NMNAT2: variants seen among roughly 807,000 people sequenced by gnomAD.
The protein encoded by NMNAT2 is nicotinamide/nicotinic acid mononucleotide adenylyltransferase 2.
Under a neutral mutation model 41.6 loss-of-function variants are expected in NMNAT2, and 11 were observed. The ratio of observed to expected loss-of-function variants is 0.26; its 90% CI spans 0.17 to 0.44. The LOEUF (loss-of-function observed/expected upper bound fraction) is 0.44, where lower values mean the gene tolerates loss of function less well. NMNAT2 is among the 20% of genes least tolerant of loss of function. The pLI, the probability that NMNAT2 is intolerant of heterozygous loss-of-function variation, is 1.00. For synonymous variants in NMNAT2, 148 were observed against 151.2 expected (o/e 0.98, Z 0.16); for missense variants, 288 against 407.7 (o/e 0.71, Z 2.53).
chr1:183,307,981 T>G (rs1168290139), intron 1 of NMNAT2, among the ~76,000 whole-genome samples: 1 of 152,014 alleles, frequency 6.6e-6, no homozygotes, highest in Non-Finnish European at 1.5e-5. Flanking sequence ...TCAGCTGAGG[T>G]GTGTTTGGAT....
At position 183,311,707 on chromosome 1, in the gene NMNAT2, C is replaced by T. The variant is rs118037523; in HGVS notation, c.86-17914G>A. Among the ~76,000 whole-genome samples, 3 of 148,100 alleles carry T rather than the reference C, an allele frequency of 2.0e-5. No homozygotes were observed. In the East Asian group the frequency reaches 6.0e-4, roughly 29 times the overall value. ...AAGAAAAGAGTTGTGCAGTTCACAT[C>T]ACACGTCCAGTCCCTACACACACAC... On this transcript the variant is annotated intron_variant, in intron 1 of 10. Transcript: ENST00000287713.
intron 8 of NMNAT2, among the ~76,000 whole-genome samples, chr1:183,262,649 A>G (rs1470913135): frequency 6.6e-6 from 1 of 152,258 alleles, no homozygotes; most frequent in Non-Finnish European, 1.5e-5. Flanking sequence ...TTCTTAGGAT[A>G]AGAAATGATA....
chr1:183,409,014 T>C (rs1368991844), intron 1 of NMNAT2, among the ~76,000 whole-genome samples: 1 of 152,126 alleles, frequency 6.6e-6, no homozygotes, highest in Non-Finnish European at 1.5e-5. Context: ...GGAGGAAGTG[T>C]TTCACCTCTC....
intron 10 of NMNAT2, among the ~76,000 whole-genome samples, chr1:183,254,327 C>T (rs1660467068): frequency 1.3e-5 from 2 of 152,082 alleles, no homozygotes; most frequent in African/African-American, 2.4e-5. Flanking sequence ...TTTTATTTCC[C>T]TGGTGATTAG....
At chr1:183,270,782 G>A (rs967681917) in intron 8 of NMNAT2, among the ~76,000 whole-genome samples, 4 of 152,156 alleles carry the variant, frequency 2.6e-5, no homozygotes, top group Non-Finnish European at 5.9e-5. Context: ...CAGTGTGGGG[G>A]CCTAATCCCT....
intron 1 of NMNAT2, among the ~76,000 whole-genome samples, chr1:183,389,816 GAA>G (rs1231733725): frequency 1.7e-5 from 1 of 57,548 alleles, no homozygotes; most frequent in African/African-American, 5.8e-5. Context: ...AAGAAAGAAA[GAA>G]AGAAAGAAAG....
intron 9 of NMNAT2, 58 bp from the exon 10 acceptor site, chr1:183,261,127 C>G: frequency 6.2e-7 from 1 of 1,600,870 alleles, no homozygotes; most frequent in South Asian, 1.1e-5. Flanking sequence ...TCCTTTTGCT[C>G]TCTCACTCCT....
chr1:183,308,253 TAA>T (rs1454794474), intron 1 of NMNAT2, among the ~76,000 whole-genome samples: 1 of 152,164 alleles, frequency 6.6e-6, no homozygotes, highest in African/African-American at 2.4e-5. Context: ...TGATGTGAAA[TAA>T]GATACCACTG....
chr1:183,394,469 CA>C (rs1229987899), intron 1 of NMNAT2, among the ~76,000 whole-genome samples: 1 of 152,120 alleles, frequency 6.6e-6, no homozygotes, highest in Non-Finnish European at 1.5e-5. Context: ...ACTTCTTTTC[CA>C]ACTGCAAATT....
Position 183,284,038 on chromosome 1 carries a change from A to G in NMNAT2, c.531T>C (p.Asp177=), listed in dbSNP as rs141330511. The change falls in exon 7 of 11, where the codon GAT becomes GAC. Residue 177 remains aspartate (D), a splice_region_variant and synonymous_variant. Coordinates refer to ENST00000287713, the MANE Select transcript of NMNAT2 (RefSeq NM_015039.4). The part of the protein sequence containing the change: ...RPPVERFTFV[D]ENANLGTVMR... The stretch of plus-strand genomic sequence containing the variant: ...TCACCGTGCCCAGATTGGCATTCTC[A>G]TCTAAGGAGGAAAGAAGGAAGGTAG... 2.2e-4 allele frequency: 361 copies of G among 1,612,098 alleles called. No individual in the cohort carries two copies. The highest frequency in any genetic ancestry group is 2.8e-4 in the Non-Finnish European group (334 of 1,178,850).
In NMNAT2 at chr1:183,323,900, C is replaced by T. The variant is rs150885623; in HGVS notation, c.86-30107G>A. ...GAGAGAGAAAGGCAGGAGAAGAAGC[C>T]TCAGAGGCTGGGGTGGAAGAGGAGT... On this transcript the variant is annotated intron_variant, in intron 1 of 10. Coordinates refer to ENST00000287713, the MANE Select transcript of NMNAT2 (RefSeq NM_015039.4). Among the ~76,000 whole-genome samples the T allele has an allele frequency of 3.2e-3, 492 of 152,314 alleles. 3 individuals carry two copies. Among genetic ancestry groups the T allele is most frequent in the Non-Finnish European group, 5.1e-3 (350 of 68,028 alleles).
chr1:183,308,769 G>A (rs1662049138), intron 1 of NMNAT2, among the ~76,000 whole-genome samples: 1 of 152,184 alleles, frequency 6.6e-6, no homozygotes, highest in African/African-American at 2.4e-5. Context: ...AAAATAACAG[G>A]GAAAGAAGGT....
At chr1:183,266,366 G>A (rs1172781260) in intron 8 of NMNAT2, among the ~76,000 whole-genome samples, 3 of 152,056 alleles carry the variant, frequency 2.0e-5, no homozygotes, top group African/African-American at 7.2e-5. Context: ...TCACTTAAAT[G>A]TCACCTTCTT....
At chr1:183,280,723 T>G (rs1307496142) in intron 7 of NMNAT2, among the ~76,000 whole-genome samples, 2 of 151,628 alleles carry the variant, frequency 1.3e-5, no homozygotes, top group Non-Finnish European at 2.9e-5. Flanking sequence ...GATTTTTTTT[T>G]GGCGACTTTT....
At chr1:183,362,214 C>A (rs950824166) in intron 1 of NMNAT2, among the ~76,000 whole-genome samples, 10 of 152,162 alleles carry the variant, frequency 6.6e-5, no homozygotes, top group African/African-American at 2.4e-4. Context: ...GCTAGGATTA[C>A]GGGCATGAGC....
intron 1 of NMNAT2, among the ~76,000 whole-genome samples, chr1:183,324,169 G>A (rs892810172): frequency 2.6e-5 from 4 of 152,192 alleles, no homozygotes; most frequent in African/African-American, 4.8e-5. Flanking sequence ...CATGAATGCA[G>A]CAGAAGATCA....
At chr1:183,334,802 A>G (rs1030941926) in intron 1 of NMNAT2, among the ~76,000 whole-genome samples, 2 of 151,478 alleles carry the variant, frequency 1.3e-5, no homozygotes, top group Non-Finnish European at 2.9e-5. Flanking sequence ...GAGCCACCGC[A>G]CCTGGCCCAA....
At chr1:183,371,315 G>T (rs1663535708) in intron 1 of NMNAT2, among the ~76,000 whole-genome samples, 1 of 152,200 alleles carries the variant, frequency 6.6e-6, no homozygotes. Context: ...AGAAGTTGAG[G>T]GGAGGGAAGG....
At chr1:183,405,695 G>GT (rs2101929077) in intron 1 of NMNAT2, among the ~76,000 whole-genome samples, 1 of 152,154 alleles carries the variant, frequency 6.6e-6, no homozygotes, top group East Asian at 1.9e-4. Context: ...TGTTTTTTTT[G>GT]TTTGTCTTTT....
Sources: gnomAD v4.1 joint callset for allele counts (sites outside exome capture counted in the v4.1 genomes callset) on GRCh38, gnomAD v4.1.1 for gene constraint, MANE v1.5 for transcripts, NCBI Gene and HGNC (gene_info 2026-07-23, HGNC 2026-07-21) for gene names.